The following SERGEF variants were observed in gnomAD, a reference collection of about 807,000 sequenced individuals.
The protein encoded by SERGEF is secretion regulating guanine nucleotide exchange factor, also known as secretion-regulating guanine nucleotide exchange factor.
In SERGEF, 51 loss-of-function variants were observed where a neutral mutation model predicts 50.0. The ratio of observed to expected loss-of-function variants is 1.02; its 90% confidence interval spans 0.81 to 1.29. The LOEUF (loss-of-function observed/expected upper bound fraction) is 1.29, where lower values mean the gene tolerates loss of function less well. Among genes scored for constraint, SERGEF ranks in the 50% most tolerant of loss-of-function variants. The pLI is 0.00. For synonymous variants in SERGEF, 205 were observed against 212.4 expected (o/e 0.97, Z 0.30); for missense variants, 521 against 557.0 (o/e 0.94, Z 0.65).
chr11:17,797,659 G>C (rs1477590236), intron 10 of SERGEF, among the ~76,000 whole-genome samples: 1 of 151,916 alleles, frequency 6.6e-6, no homozygotes, highest in African/African-American at 2.4e-5. Flanking sequence ...TGTTTTGTTT[G>C]CTGCTATATC....
chr11:17,895,719 T>C (rs1289322671), intron 9 of SERGEF, among the ~76,000 whole-genome samples: 1 of 152,216 alleles, frequency 6.6e-6, no homozygotes, highest in East Asian at 1.9e-4. Context: ...TTGCAAAGAA[T>C]ATAATAAGGA....
chr11:17,858,244 C>T (rs140161414), intron 10 of SERGEF, among the ~76,000 whole-genome samples: 187 of 152,262 alleles, frequency 1.2e-3, no homozygotes, highest in African/African-American at 2.4e-3. Context: ...CTATACCTAA[C>T]GAACACCACA....
At chr11:17,904,417 C>T (rs1321226947) in intron 9 of SERGEF, among the ~76,000 whole-genome samples, 1 of 152,224 alleles carries the variant, frequency 6.6e-6, no homozygotes, top group Non-Finnish European at 1.5e-5. Flanking sequence ...GACTGAGCCC[C>T]GCTGGGGCAT....
At chr11:17,822,735 G>A (rs1362220417) in intron 10 of SERGEF, among the ~76,000 whole-genome samples, 1 of 152,182 alleles carries the variant, frequency 6.6e-6, no homozygotes, top group East Asian at 1.9e-4. Context: ...GTGAAGGTAC[G>A]TCACCCCCAT....
chr11:17,901,518 G>A (rs1213070838), intron 9 of SERGEF, among the ~76,000 whole-genome samples: 7 of 152,282 alleles, frequency 4.6e-5, no homozygotes, highest in African/African-American at 1.7e-4. Context: ...AGAAGTCCAT[G>A]CTCCAACCAA....
At chr11:17,860,680 C>T (rs1850911012) in intron 10 of SERGEF, among the ~76,000 whole-genome samples, 1 of 152,180 alleles carries the variant, frequency 6.6e-6, no homozygotes, top group Admixed American at 6.5e-5. Flanking sequence ...AGAGTGCATG[C>T]TCCAGAATCA....
At chr11:18,005,171 C>T (rs1447737969) in intron 3 of SERGEF, among the ~76,000 whole-genome samples, 5 of 152,354 alleles carry the variant, frequency 3.3e-5, no homozygotes, top group African/African-American at 1.2e-4. Flanking sequence ...GCTTTTCTCA[C>T]AACTGGCTCC....
chr11:17,791,458 T>G (rs1228104837), intron 10 of SERGEF, among the ~76,000 whole-genome samples: 1 of 152,252 alleles, frequency 6.6e-6, no homozygotes, highest in African/African-American at 2.4e-5. Context: ...TGTTGAAAGA[T>G]CTTCCTAATT....
At chr11:18,012,808 CGCT>C in intron 1 of SERGEF, 140 bp downstream of exon 1, 2 of 1,507,990 alleles carry the variant, frequency 1.3e-6, no homozygotes, top group Non-Finnish European at 1.8e-6. Context: ...GCTCCCCCTC[CGCT>C]CCCAGCCCAG....
chr11:17,958,582 C>T (rs968060680), intron 9 of SERGEF, among the ~76,000 whole-genome samples: 13 of 152,250 alleles, frequency 8.5e-5, no homozygotes, highest in African/African-American at 3.1e-4. Flanking sequence ...AAAATAAACA[C>T]GAGTATAAAA....
At chr11:17,816,596 G>A (rs559633114) in intron 10 of SERGEF, among the ~76,000 whole-genome samples, 9 of 152,332 alleles carry the variant, frequency 5.9e-5, no homozygotes, top group African/African-American at 2.2e-4. Flanking sequence ...AAAAAATACT[G>A]AAGTTTGGCA....
intron 10 of SERGEF, among the ~76,000 whole-genome samples, chr11:17,836,696 A>C (rs559078528): frequency 6.6e-6 from 1 of 152,068 alleles, no homozygotes; most frequent in Non-Finnish European, 1.5e-5. Context: ...GGGCCTTTTC[A>C]AGTGTTATTC....
intron 5 of SERGEF, among the ~76,000 whole-genome samples, chr11:17,998,440 CATATATATATAT>C (rs60861006): frequency 0.05 from 1,682 of 33,548 alleles, 35 homozygotes; most frequent in African/African-American, 0.065. Flanking sequence ...TACATACATA[CATATATATATAT>C]ATATATATAT....
chr11:17,906,649 A>G (rs1030597759), intron 9 of SERGEF, among the ~76,000 whole-genome samples: 43 of 152,120 alleles, frequency 2.8e-4, no homozygotes, highest in East Asian at 1.4e-3. Flanking sequence ...TTTCTCCCCA[A>G]TCTCTATTTA....
chr11:17,875,440 C>T (rs918268271), intron 10 of SERGEF, among the ~76,000 whole-genome samples: 1 of 152,204 alleles, frequency 6.6e-6, no homozygotes, highest in Non-Finnish European at 1.5e-5. Flanking sequence ...ACTCCCAGAT[C>T]GGGGAGATGG....
intron 10 of SERGEF, among the ~76,000 whole-genome samples, chr11:17,814,937 T>C (rs1212085983): frequency 6.6e-6 from 1 of 152,164 alleles, no homozygotes; most frequent in East Asian, 1.9e-4. Context: ...TCCTAGTGCT[T>C]TGGGAGGCTG....
chr11:17,973,790 G>A (rs192257761), intron 8 of SERGEF, among the ~76,000 whole-genome samples: 138 of 152,256 alleles, frequency 9.1e-4, no homozygotes, highest in African/African-American at 2.8e-3. Context: ...GAAACTGAGC[G>A]GTGGACATGG....
At chr11:17,859,812 C>G (rs893946267) in intron 10 of SERGEF, among the ~76,000 whole-genome samples, 2 of 152,116 alleles carry the variant, frequency 1.3e-5, no homozygotes, top group African/African-American at 4.8e-5. Context: ...AAATTGCCAA[C>G]CTAGATTTCT....
intron 9 of SERGEF, among the ~76,000 whole-genome samples, chr11:17,930,607 C>T (rs1227026672): frequency 6.6e-6 from 1 of 152,074 alleles, no homozygotes. Context: ...CTATGCTGTC[C>T]ATAGGTAACT....
Sources: allele counts gnomAD v4.1 joint callset (sites outside exome capture counted in the v4.1 genomes callset), GRCh38; gene constraint gnomAD v4.1.1; transcripts MANE v1.5; gene names NCBI Gene and HGNC (gene_info 2026-07-23, HGNC 2026-07-21).